ERF: variants seen among roughly 807,000 people sequenced by gnomAD.
ERF encodes the protein ETS domain-containing transcription factor ERF.
Under a neutral mutation model 41.6 loss-of-function variants are expected in ERF, and 10 were observed. That is an observed-to-expected ratio of 0.24 (90% confidence interval 0.15 to 0.41). The LOEUF is 0.41. Among genes scored for constraint, ERF ranks in the 10% least tolerant of loss-of-function variants. The pLI, the probability that ERF is intolerant of heterozygous loss-of-function variation, is 1.00. For missense variants in ERF, 621 were observed against 763.2 expected, an observed-to-expected ratio of 0.81 and a Z score of 2.19; for synonymous variants, 395 against 342.4, an observed-to-expected ratio of 1.15 and a Z score of -1.70.
chr19:42,253,940 G>A, intron 1 of ERF: 4 of 1,029,642 alleles, frequency 3.9e-6, no homozygotes, highest in South Asian at 3.0e-5. Context: ...CCCCTCCCCC[G>A]TCCCCGCCCC....
At position 42,248,375 on chromosome 19, in the gene ERF, G is replaced by C. The variant is rs2036367159; in HGVS notation, c.*90C>G. 6.1e-6 allele frequency: 7 copies of C among 1,151,616 alleles called. No homozygotes were observed. Among genetic ancestry groups the C allele is most frequent in the Admixed American group, 2.8e-5 (1 of 35,308 alleles). 71.3% of individuals were successfully genotyped at this position (1,151,616 alleles called of 1,614,324 possible). Reference sequence around the variant, plus strand: ...GGGAGGAGGCAGGGAAGAGACAAGAGAGCTGCCCTCACCTCCAGGGCATAG... The same window carrying C: ...GGGAGGAGGCAGGGAAGAGACAAGACAGCTGCCCTCACCTCCAGGGCATAG... On this transcript the variant is annotated 3_prime_UTR_variant, in exon 4 of 4. Transcript: ENST00000222329. The surrounding 1 kb of genome is among the most constrained non-coding windows in gnomAD (Gnocchi z 4.2).
At position 42,248,707 on chromosome 19, in the gene ERF, C is replaced by T. The variant is rs780261925; in HGVS notation, c.1405G>A (p.Gly469Ser). The T allele has an allele frequency of 1.7e-5, 27 of 1,612,346 alleles. No individual in the cohort carries two copies. The highest frequency in any genetic ancestry group is 5.5e-5 in the South Asian group (5 of 91,016). The change falls in exon 4 of 4, where the codon GGC (glycine) becomes AGC (serine). Residue 469 changes from glycine (G) to serine (S), a missense_variant. This residue lies in a region of ERF where 569 missense variants were observed against 625.5 expected (regional missense o/e 0.91). Coordinates refer to ENST00000222329, the MANE Select transcript of ERF (RefSeq NM_006494.4). This position sits in a 1 kb window ranked among gnomAD's most constrained non-coding sequence, Gnocchi z 4.2. The part of the protein sequence containing the change: ...APPAPPKPEP[G>S]EAPGASQCMP... ...CACTGGGATGCCCCGGGTGCCTCGC[C>T]GGGCTCAGGCTTAGGGGGTGCAGGT...
Position 42,255,068 on chromosome 19 carries a change from C to G in ERF, c.-69G>C, listed in dbSNP as rs1267196709. ...TCCCGGCGCCCTCGCTGCCCCGTCC[C>G]GTCCCGCGCCCGTCGGGCCGCCCTC... is the stretch of plus-strand genomic sequence containing the variant. On this transcript the variant is annotated 5_prime_UTR_variant, in exon 1 of 4. Coordinates refer to ENST00000222329, the MANE Select transcript of ERF (RefSeq NM_006494.4). 2.4e-6 allele frequency: 3 copies of G among 1,246,592 alleles called. No homozygotes were observed. Among genetic ancestry groups the G allele is most frequent in the Admixed American group, 4.3e-5 (1 of 23,384 alleles). 77.2% of individuals were successfully genotyped at this position (1,246,592 alleles called of 1,614,324 possible).
rs2036422508 is a variant in ERF at position 42,250,290 on chromosome 19, G to A, written c.257+41C>T. 3 of 1,597,278 alleles carry A rather than the reference G, an allele frequency of 1.9e-6. No homozygotes were observed. Among genetic ancestry groups the A allele is most frequent in the African/African-American group, 1.3e-5 (1 of 74,628 alleles). Reference sequence around the variant, plus strand: ...GCAAGGGGCTGTGCAACCCCGGGGGGGCACTCCACATGTGCTCAGGGGTCC... The same window carrying A: ...GCAAGGGGCTGTGCAACCCCGGGGGAGCACTCCACATGTGCTCAGGGGTCC... On this transcript the variant is annotated intron_variant, in intron 2 of 3. Coordinates refer to ENST00000222329, the MANE Select transcript of ERF (RefSeq NM_006494.4). The surrounding 1 kb of genome is among the most constrained non-coding windows in gnomAD (Gnocchi z 5.1).
Position 42,248,868 on chromosome 19 carries a change from G to A in ERF, c.1244C>T (p.Ala415Val), listed in dbSNP as rs139842507. ...TGGTGGCGGGGGCGGTGGGGCTAGC[G>A]CCCCTGCCCCCTCAGCCAGCCCGCC... The part of the protein sequence containing the change: ...SAGGLAEGAG[A>V]LAPPPPPPQI... Residue 415 changes from alanine to valine, a missense_variant, in exon 4 of 4, where the codon GCG (alanine) becomes GTG (valine). Coordinates refer to ENST00000222329, the MANE Select transcript of ERF (RefSeq NM_006494.4). This position sits in a 1 kb window ranked among gnomAD's most constrained non-coding sequence, Gnocchi z 4.2. 0.017 allele frequency: 27,914 copies of A among 1,607,218 alleles called. 276 individuals are homozygous for A. Among genetic ancestry groups the A allele is most frequent in the Non-Finnish European group, 0.02 (23,571 of 1,178,332 alleles).
At position 42,248,430 on chromosome 19, in the gene ERF, G is replaced by A; in HGVS notation, c.*35C>T. 2.1e-6 allele frequency: 3 copies of A among 1,433,644 alleles called. No individual in the cohort carries two copies. Among genetic ancestry groups the A allele is most frequent in the Non-Finnish European group, 2.7e-6 (3 of 1,092,810 alleles). 88.8% of individuals were successfully genotyped at this position (1,433,644 alleles called of 1,614,324 possible). A position where few individuals can be genotyped will look rare whatever the true frequency, so the allele number is the denominator to read the frequency against. ...CTTAAGGCAGCAAAAGAAGCATGGG[G>A]GGTGCGGGGCACACAGGTCCCCTGC... On this transcript the variant is annotated 3_prime_UTR_variant, in exon 4 of 4. Transcript: ENST00000222329. This position sits in a 1 kb window ranked among gnomAD's most constrained non-coding sequence, Gnocchi z 4.2.
rs768373176 is a variant in ERF at position 42,249,143 on chromosome 19, G to A, written c.969C>T (p.Asn323=). The change falls in exon 4 of 4, where the codon AAC becomes AAT. Residue 323 remains asparagine (N), a synonymous_variant. Transcript: ENST00000222329. This position sits in a 1 kb window ranked among gnomAD's most constrained non-coding sequence, Gnocchi z 8.6. The stretch of plus-strand genomic sequence containing the variant: ...GGAAGGCGCGGGGGCTGAGGTGGTA[G>A]TTGTAGACGCTTTGGGTGTGGGCCT... ...YLQAHTQSVY[N]YHLSPRAFLH... 6 of 1,613,944 alleles carry A rather than the reference G, an allele frequency of 3.7e-6. No individual in the cohort carries two copies. The South Asian group carries it at 6.6e-5, about 18-fold the overall frequency.
intron 1 of ERF, among the ~76,000 whole-genome samples, chr19:42,252,531 G>T (rs910185126): frequency 6.6e-6 from 1 of 152,198 alleles, no homozygotes; most frequent in African/African-American, 2.4e-5. Flanking sequence ...AGGTGGGGGG[G>T]CTCTGGAAAG....
intron 1 of ERF, chr19:42,253,940 G>T: frequency 9.7e-7 from 1 of 1,029,642 alleles, no homozygotes; most frequent in Non-Finnish European, 1.2e-6. Flanking sequence ...CCCCTCCCCC[G>T]TCCCCGCCCC....
rs1395063212 is a variant in ERF, at chr19:42,248,895, G to A, written c.1217C>T (p.Ala406Val). 7.5e-6 allele frequency: 12 copies of A among 1,607,706 alleles called. No homozygotes were observed. Among genetic ancestry groups the A allele is most frequent in the Admixed American group, 1.7e-5 (1 of 59,952 alleles). ...CCCTGCCCCCTCAGCCAGCCCGCCTGCACTGCCACCGCTCTTGTCAGCACC... is the reference window on the plus strand; with the variant it reads ...CCCTGCCCCCTCAGCCAGCCCGCCTACACTGCCACCGCTCTTGTCAGCACC... ...VAGADKSGGS[A>V]GGLAEGAGAL... is the part of the protein sequence containing the mutation. Residue 406 changes from alanine to valine, a missense_variant, in exon 4 of 4, where the codon GCA becomes GTA. This residue lies in a region of ERF where 569 missense variants were observed against 625.5 expected (regional missense o/e 0.91). Transcript: ENST00000222329. The surrounding 1 kb of genome is among the most constrained non-coding windows in gnomAD (Gnocchi z 4.2).
rs1474220291 is a variant in ERF at position 42,249,470 on chromosome 19, C to T, written c.642G>A (p.Leu214=). 6.2e-7 allele frequency: 1 copy of T among 1,604,408 alleles called. No homozygotes were observed. Among genetic ancestry groups the T allele is most frequent in the Non-Finnish European group, 8.5e-7 (1 of 1,176,346 alleles). Residue 214 remains leucine, a synonymous_variant, in exon 4 of 4, where the codon CTG becomes CTA. Coordinates refer to ENST00000222329, the MANE Select transcript of ERF (RefSeq NM_006494.4). The surrounding 1 kb of genome is among the most constrained non-coding windows in gnomAD (Gnocchi z 8.6). ...PRARPPGPPD[L]GAFRGPPLAR... ...CCAGCGGGGGCCCTCGGAAGGCACCCAGATCCGGAGGGCCGGGTGGTCGGG... is the reference window on the plus strand; with the variant it reads ...CCAGCGGGGGCCCTCGGAAGGCACCTAGATCCGGAGGGCCGGGTGGTCGGG...
Position 42,248,862 on chromosome 19 carries a change from G to A in ERF, c.1250C>T (p.Ala417Val), listed in dbSNP as rs777970610. The change falls in exon 4 of 4, where the codon GCC (alanine) becomes GTC (valine). Residue 417 changes from alanine (A) to valine (V), a missense_variant. By Grantham distance (64) the Ala-to-Val change is moderately conservative. This residue lies in a region of ERF where 569 missense variants were observed against 625.5 expected (regional missense o/e 0.91). Transcript: ENST00000222329. The surrounding 1 kb of genome is among the most constrained non-coding windows in gnomAD (Gnocchi z 4.2). The stretch of plus-strand genomic sequence containing the variant: ...GATCTGTGGTGGCGGGGGCGGTGGG[G>A]CTAGCGCCCCTGCCCCCTCAGCCAG... ...GGLAEGAGAL[A>V]PPPPPPQIKV... 1.2e-6 allele frequency: 2 copies of A among 1,609,300 alleles called. No individual in the cohort carries two copies. Among genetic ancestry groups the A allele is most frequent in the East Asian group, 2.2e-5 (1 of 44,820 alleles).
In ERF at chr19:42,250,235, AG is replaced by A. The variant is rs779934705; in HGVS notation, c.257+95del. 7.9e-5 allele frequency: 112 copies of A among 1,420,198 alleles called. No homozygotes were observed. The highest frequency in any genetic ancestry group is 4.4e-4 in the Middle Eastern group (2 of 4,532). The allele number at this position is 1,420,198 out of a possible 1,614,324, so 88.0% of individuals were successfully genotyped here. On this transcript the variant is annotated intron_variant, in intron 2 of 3. Transcript: ENST00000222329. This position sits in a 1 kb window ranked among gnomAD's most constrained non-coding sequence, Gnocchi z 5.1. ...CACACAGCTAGGATTTGGCAAAGCC[AG>A]GGGTCAGACCCAATGCTTGTTCCCA...
Position 42,250,817 on chromosome 19 carries a change from C to T in ERF, c.23-252G>A, listed in dbSNP as rs1444695818. On this transcript the variant is annotated intron_variant, in intron 1 of 3. Transcript: ENST00000222329. The surrounding 1 kb of genome is among the most constrained non-coding windows in gnomAD (Gnocchi z 5.1). ...ACCGGGAGAAACAGGAAACCGTCGG[C>T]GGTGGGTCCCGGGGCCAGTGCCAGG... Among the ~76,000 whole-genome samples the T allele has an allele frequency of 1.3e-5, 2 of 152,058 alleles. No homozygotes were observed. Among genetic ancestry groups the T allele is most frequent in the African/African-American group, 2.4e-5 (1 of 41,400 alleles).
chr19:42,251,206 C>T, intron 1 of ERF: 1 of 984,844 alleles, frequency 1.0e-6, no homozygotes, highest in Non-Finnish European at 1.2e-6. Context: ...CCCCCCAAGC[C>T]CTGGACCCTC....
At position 42,249,702 on chromosome 19, in the gene ERF, G is replaced by A. The variant is rs761765720; in HGVS notation, c.410C>T (p.Ser137Leu). Residue 137 changes from serine (S) to leucine (L), a missense_variant, in exon 4 of 4, where the codon TCG becomes TTG. By Grantham distance (145) the Ser-to-Leu change is moderately radical. Around this residue, in one of 3 missense-constraint regions of ERF, gnomAD observed 569 missense variants for 625.5 expected, o/e 0.91. Transcript: ENST00000222329. The surrounding 1 kb of genome is among the most constrained non-coding windows in gnomAD (Gnocchi z 8.6). Reference protein sequence around the residue: ...AVPQSAPPVPSGGSHFRFPPS... With the variant: ...AVPQSAPPVPLGGSHFRFPPS... Reference sequence around the variant, plus strand: ...AGGGAAGCGGAAGTGGCTACCACCCGACGGCACTGGCGGGGCACTCTGGGG... The same window carrying A: ...AGGGAAGCGGAAGTGGCTACCACCCAACGGCACTGGCGGGGCACTCTGGGG... The A allele has an allele frequency of 4.4e-5, 70 of 1,600,014 alleles. No homozygotes were observed. Among genetic ancestry groups the A allele is most frequent in the Non-Finnish European group, 5.6e-5 (66 of 1,171,464 alleles).
chr19:42,249,503 A>G lies in ERF; in HGVS notation c.609T>C (p.Asp203=). 6.2e-7 allele frequency: 1 copy of G among 1,612,254 alleles called. No homozygotes were observed. The change falls in exon 4 of 4, where the codon GAT becomes GAC. Residue 203 remains aspartate, a synonymous_variant. Coordinates refer to ENST00000222329, the MANE Select transcript of ERF (RefSeq NM_006494.4). This position sits in a 1 kb window ranked among gnomAD's most constrained non-coding sequence, Gnocchi z 8.6. ...TSELEEPLGE[D]PRARPPGPPD... The stretch of plus-strand genomic sequence containing the variant: ...GAGGGCCGGGTGGTCGGGCGCGGGG[A>G]TCCTCTCCCAGCGGTTCCTCCAGCT...
Position 42,249,975 on chromosome 19 carries a change from G to C in ERF, c.258-33C>G. The C allele has an allele frequency of 6.3e-7, 1 of 1,597,844 alleles. No homozygotes were observed. Among genetic ancestry groups the C allele is most frequent in the Non-Finnish European group, 8.6e-7 (1 of 1,165,292 alleles). ...TACAGAAATGCCATTGGGAAGGTCA[G>C]GTACGTGGGACCCAGGTCTAGACTC... On this transcript the variant is annotated intron_variant, in intron 2 of 3. Transcript: ENST00000222329. The surrounding 1 kb of genome is among the most constrained non-coding windows in gnomAD (Gnocchi z 8.6).
At position 42,249,337 on chromosome 19, in the gene ERF, G is replaced by A. The variant is rs2036399024; in HGVS notation, c.775C>T (p.Leu259=). Residue 259 remains leucine (L), a synonymous_variant, in exon 4 of 4, where the codon CTG becomes TTG. Coordinates refer to ENST00000222329, the MANE Select transcript of ERF (RefSeq NM_006494.4). This position sits in a 1 kb window ranked among gnomAD's most constrained non-coding sequence, Gnocchi z 8.6. ...GCCGGGGAGAGCTGAGGGGGCAGCA[G>A]GGATCCAGGACCGGCCAGAGGCGAC... is the stretch of plus-strand genomic sequence containing the variant. The part of the protein sequence containing the change: ...PVSPLAGPGS[L]LPPQLSPALP... 1 of 1,585,604 alleles carries A rather than the reference G, an allele frequency of 6.3e-7. No homozygotes were observed. The highest frequency in any genetic ancestry group is 8.6e-7 in the Non-Finnish European group (1 of 1,166,292).
Sources: allele counts gnomAD v4.1 joint callset (sites outside exome capture counted in the v4.1 genomes callset), GRCh38; gene constraint gnomAD v4.1.1; regional missense constraint gnomAD v4.1.1; non-coding constraint Gnocchi (gnomAD v3.1); transcripts MANE v1.5; gene names NCBI Gene and HGNC (gene_info 2026-07-23, HGNC 2026-07-21).